The following CCR9 variants were observed in gnomAD, a reference collection of about 807,000 sequenced individuals.
The protein encoded by CCR9 is C-C motif chemokine receptor 9.
A neutral mutation model predicts 8.7 loss-of-function variants in CCR9; 4 were observed. The ratio of observed to expected loss-of-function variants is 0.46; its 90% CI spans 0.23 to 1.06. The LOEUF is 1.06. Among genes scored for constraint, CCR9 ranks in the 50% least tolerant of loss-of-function variants. The pLI is 0.21. For synonymous variants in CCR9, 159 were observed against 168.8 expected, an observed-to-expected ratio of 0.94 and a Z score of 0.45; for missense variants, 394 against 453.6, an observed-to-expected ratio of 0.87 and a Z score of 1.19.
In CCR9 at chr3:45,897,663, C is replaced by T; in HGVS notation, c.21+2709C>T. On this transcript the variant is annotated intron_variant, in intron 2 of 2. Coordinates refer to ENST00000357632, the MANE Select transcript of CCR9 (RefSeq NM_031200.3). The stretch of plus-strand genomic sequence containing the variant: ...ACTAACACAGCTAAGTGATGCTGGC[C>T]TTCCCACCTGCCCCCTCTCATTTGT... 2.0e-6 allele frequency: 3 copies of T among 1,467,692 alleles called. No individual in the cohort carries two copies. The South Asian group carries it at 3.8e-5, about 18-fold the overall frequency. 90.9% of individuals were successfully genotyped at this position (1,467,692 alleles called of 1,614,324 possible). A position where few individuals can be genotyped will look rare whatever the true frequency, so the allele number is the denominator to read the frequency against.
rs140413973 is a variant in CCR9 at position 45,902,885 on chromosome 3, C to T, written c.*987C>T. On this transcript the variant is annotated 3_prime_UTR_variant, in exon 3 of 3. Transcript: ENST00000357632. ...TAGGGCAAAGGGGTGAAGCGCAGGCCTTGCTGGAAGGCTATTTACTTCCAT... is the reference window on the plus strand; with the variant it reads ...TAGGGCAAAGGGGTGAAGCGCAGGCTTTGCTGGAAGGCTATTTACTTCCAT... The T allele has an allele frequency of 6.0e-6, 1 of 167,178 alleles. No homozygotes were observed. Among genetic ancestry groups the T allele is most frequent in the East Asian group, 1.9e-4 (1 of 5,188 alleles). The allele number at this position is 167,178 out of a possible 1,614,324, so 10.4% of individuals were successfully genotyped here. A position where few individuals can be genotyped will look rare whatever the true frequency, so the allele number is the denominator to read the frequency against.
At chr3:45,889,260 C>T (rs1467736141) in intron 1 of CCR9, among the ~76,000 whole-genome samples, 1 of 152,088 alleles carries the variant, frequency 6.6e-6, no homozygotes, top group Non-Finnish European at 1.5e-5. Flanking sequence ...GTTGGAATTA[C>T]AGGCATGAGC....
intron 1 of CCR9, among the ~76,000 whole-genome samples, chr3:45,894,000 T>A (rs563529868): frequency 6.6e-6 from 1 of 152,246 alleles, no homozygotes; most frequent in Admixed American, 6.5e-5. Flanking sequence ...AAAGAGGCTA[T>A]TTTTTTCGAG....
chr3:45,888,825 G>C lies in CCR9; in HGVS notation c.-29+2170G>C, dbSNP rs187901115. ...TGAAAGAGAAATAGATGGCAAGGCT[G>C]TCTGTGGAGGTTCTAGATGTGGGCT... On this transcript the variant is annotated intron_variant, in intron 1 of 2. Coordinates refer to ENST00000357632, the MANE Select transcript of CCR9 (RefSeq NM_031200.3). Among the ~76,000 whole-genome samples, 735 of 152,230 alleles carry C rather than the reference G, an allele frequency of 4.8e-3. 5 individuals are homozygous for C. Among genetic ancestry groups the C allele is most frequent in the African/African-American group, 0.016 (682 of 41,514 alleles).
At chr3:45,887,278 G>T (rs1230301108) in intron 1 of CCR9, among the ~76,000 whole-genome samples, 3 of 144,942 alleles carry the variant, frequency 2.1e-5, no homozygotes, top group Non-Finnish European at 3.0e-5. Flanking sequence ...TGTGTGTGAG[G>T]TTGTGTTACA....
intron 1 of CCR9, among the ~76,000 whole-genome samples, chr3:45,890,271 CATAT>C (rs371319572): frequency 9.7e-5 from 1 of 10,320 alleles, no homozygotes; most frequent in Non-Finnish European, 1.5e-4. Context: ...ATATATATAA[CATAT>C]ATATATATTT....
chr3:45,895,330 T>C (rs1702318159), intron 2 of CCR9, among the ~76,000 whole-genome samples: 1 of 152,250 alleles, frequency 6.6e-6, no homozygotes, highest in African/African-American at 2.4e-5. Flanking sequence ...GGCACATTAG[T>C]TGTATTTCTT....
chr3:45,893,728 C>G (rs538207101), intron 1 of CCR9, among the ~76,000 whole-genome samples: 65 of 152,248 alleles, frequency 4.3e-4, no homozygotes, highest in African/African-American at 1.5e-3. Flanking sequence ...TTTTGCCTAC[C>G]ACAGAGTAAA....
At chr3:45,899,268 T>G (rs1226255977) in intron 2 of CCR9, among the ~76,000 whole-genome samples, 2 of 152,356 alleles carry the variant, frequency 1.3e-5, no homozygotes, top group African/African-American at 2.4e-5. Flanking sequence ...TATGCAAAGA[T>G]TCTCAACTAT....
intron 1 of CCR9, among the ~76,000 whole-genome samples, chr3:45,889,193 C>G (rs891772946): frequency 6.6e-6 from 1 of 152,226 alleles, no homozygotes; most frequent in African/African-American, 2.4e-5. Flanking sequence ...CTCTGTTGCC[C>G]AGGCTGATCT....
rs750293625 is a variant in CCR9, at chr3:45,900,800, C to T, written c.22-10C>T. Reference sequence around the variant, plus strand: ...TCCTTGACCTAATGCCATCTTGTGTCCCCTTGCAGAGCCCTATTCCTAACA... The same window carrying T: ...TCCTTGACCTAATGCCATCTTGTGTTCCCTTGCAGAGCCCTATTCCTAACA... On this transcript the variant is annotated splice_polypyrimidine_tract_variant and intron_variant, in intron 2 of 2. Transcript: ENST00000357632. This position sits in a 1 kb window ranked among gnomAD's most constrained non-coding sequence, Gnocchi z 4.7. The T allele has an allele frequency of 1.2e-6, 2 of 1,600,408 alleles. No homozygotes were observed. The highest frequency in any genetic ancestry group is 1.7e-6 in the Non-Finnish European group (2 of 1,171,272).
intron 1 of CCR9, among the ~76,000 whole-genome samples, chr3:45,889,391 C>G (rs1017939661): frequency 2.0e-5 from 3 of 152,130 alleles, no homozygotes; most frequent in Admixed American, 1.3e-4. Context: ...AATTACTAGA[C>G]TTGCTCTTTC....
In CCR9 at chr3:45,900,746, T is replaced by C; in HGVS notation, c.22-64T>C. On this transcript the variant is annotated intron_variant, in intron 2 of 2. Coordinates refer to ENST00000357632, the MANE Select transcript of CCR9 (RefSeq NM_031200.3). This position sits in a 1 kb window ranked among gnomAD's most constrained non-coding sequence, Gnocchi z 4.7. The stretch of plus-strand genomic sequence containing the variant: ...GGAAGGGTCAAGAGGTCCATGCCTC[T>C]GCCATCAGACAGGACCTTCAAAATA... 2 of 1,534,538 alleles carry C rather than the reference T, an allele frequency of 1.3e-6. No homozygotes were observed. Among genetic ancestry groups the C allele is most frequent in the Non-Finnish European group, 1.8e-6 (2 of 1,137,546 alleles).
At position 45,900,386 on chromosome 3, in the gene CCR9, A is replaced by C. The variant is rs1702511868; in HGVS notation, c.22-424A>C. 6.6e-6 allele frequency among the ~76,000 whole-genome samples: 1 copy of C among 152,064 alleles called. No individual in the cohort carries two copies. Among genetic ancestry groups the C allele is most frequent in the East Asian group, 1.9e-4 (1 of 5,188 alleles). On this transcript the variant is annotated intron_variant, in intron 2 of 2. Coordinates refer to ENST00000357632, the MANE Select transcript of CCR9 (RefSeq NM_031200.3). This position sits in a 1 kb window ranked among gnomAD's most constrained non-coding sequence, Gnocchi z 4.7. ...CTAACCTTTTTAGGGTCAGTGAAAA[A>C]CTGAATAGATAGGAGAAGTACGATC...
chr3:45,901,073 C>T lies in CCR9; in HGVS notation c.285C>T (p.Leu95=). ...TTTTGAATTTGGCAATTGCTGACCT[C>T]CTCTTTCTTGTCACTCTTCCCTTCT... ...MFLLNLAIAD[L]LFLVTLPFWA... is the part of the protein sequence containing the mutation. Residue 95 remains leucine, a synonymous_variant, in exon 3 of 3, where the codon CTC becomes CTT. Coordinates refer to ENST00000357632, the MANE Select transcript of CCR9 (RefSeq NM_031200.3). This position sits in a 1 kb window ranked among gnomAD's most constrained non-coding sequence, Gnocchi z 4.3. The T allele has an allele frequency of 6.2e-7, 1 of 1,614,186 alleles. No homozygotes were observed. The highest frequency in any genetic ancestry group is 8.5e-7 in the Non-Finnish European group (1 of 1,180,022).
In CCR9 at chr3:45,887,071, G is replaced by A. The variant is rs72884909; in HGVS notation, c.-29+416G>A. Among the ~76,000 whole-genome samples, 1,367 of 152,226 alleles carry A rather than the reference G, an allele frequency of 9.0e-3. 21 individuals carry two copies. The highest frequency in any genetic ancestry group is 0.031 in the African/African-American group (1,294 of 41,526). The stretch of plus-strand genomic sequence containing the variant: ...ACAAGGAAACTATGCATCAGGAGGC[G>A]AATGGTTAAATGAATTGTGATGTAT... On this transcript the variant is annotated intron_variant, in intron 1 of 2. Transcript: ENST00000357632.
rs1339662583 is a variant in CCR9, at chr3:45,903,148, G to C, written c.*1250G>C. ...TACCCTGTCTCAATATTTTAAGTGTGTGCAATTAAAGATCAAATAGATACA... is the reference window on the plus strand; with the variant it reads ...TACCCTGTCTCAATATTTTAAGTGTCTGCAATTAAAGATCAAATAGATACA... On this transcript the variant is annotated 3_prime_UTR_variant, in exon 3 of 3. Coordinates refer to ENST00000357632, the MANE Select transcript of CCR9 (RefSeq NM_031200.3). 2 of 167,072 alleles carry C rather than the reference G, an allele frequency of 1.2e-5. No individual in the cohort carries two copies. The highest frequency in any genetic ancestry group is 1.3e-4 in the Admixed American group (2 of 15,280). The allele number at this position is 167,072 out of a possible 1,614,324, so 10.3% of individuals were successfully genotyped here.
chr3:45,893,174 A>ATTT (rs1702245066), intron 1 of CCR9, among the ~76,000 whole-genome samples: 1 of 143,546 alleles, frequency 7.0e-6, no homozygotes. Context: ...TTTTTGTTTG[A>ATTT]GATGGAGTCT....
At chr3:45,896,295 C>A (rs976889427) in intron 2 of CCR9, among the ~76,000 whole-genome samples, 1 of 152,230 alleles carries the variant, frequency 6.6e-6, no homozygotes, top group Non-Finnish European at 1.5e-5. Context: ...GCCAACTCTG[C>A]AAAGCAGCCC....
Sources: gnomAD v4.1 joint callset for allele counts (sites outside exome capture counted in the v4.1 genomes callset) on GRCh38, gnomAD v4.1.1 for gene constraint, Gnocchi (gnomAD v3.1) non-coding constraint, MANE v1.5 for transcripts, NCBI Gene and HGNC (gene_info 2026-07-23, HGNC 2026-07-21) for gene names.